The following ERAL1 variants were observed in gnomAD, a reference collection of about 807,000 sequenced individuals.
ERAL1 encodes the protein GTPase Era, mitochondrial.
In ERAL1, 36 loss-of-function variants were observed where a neutral mutation model predicts 53.6. The observed-to-expected ratio is 0.67, with a 90% CI of 0.51 to 0.89. The LOEUF is 0.89. Among genes scored for constraint, ERAL1 ranks in the 40% least tolerant of loss-of-function variants. The pLI, the probability that ERAL1 is intolerant of heterozygous loss-of-function variation, is 0.00. For synonymous variants in ERAL1, 215 were observed against 211.8 expected, an observed-to-expected ratio of 1.02 and a Z score of -0.13; for missense variants, 512 against 537.5, an observed-to-expected ratio of 0.95 and a Z score of 0.47.
At chr17:28,860,360 G>GC (rs1215369360) in intron 9 of ERAL1, 71 bp from the exon 10 acceptor site, 3 of 1,571,584 alleles carry the variant, frequency 1.9e-6, no homozygotes, top group South Asian at 1.1e-5. Context: ...TCTCACCTTA[G>GC]CCCCCCAAGT....
Position 28,858,750 on chromosome 17 carries a change from A to G in ERAL1, c.886A>G (p.Arg296Gly), listed in dbSNP as rs772458858. The change falls in exon 7 of 10, where the codon AGG (arginine) becomes GGG (glycine). Residue 296 changes from arginine to glycine, a missense_variant. Coordinates refer to ENST00000254928, the MANE Select transcript of ERAL1 (RefSeq NM_005702.4). Reference sequence around the variant, plus strand: ...CACACAATCTGTGGGAAATCCTCAGAGGATTGGCTGGCCCCACTTCAAGGA... The same window carrying G: ...CACACAATCTGTGGGAAATCCTCAGGGGATTGGCTGGCCCCACTTCAAGGA... ...PNTQSVGNPQ[R>G]IGWPHFKEIF... 52 of 1,614,118 alleles carry G rather than the reference A, an allele frequency of 3.2e-5. No individual in the cohort carries two copies. The highest frequency in any genetic ancestry group is 4.4e-5 in the Non-Finnish European group (52 of 1,180,054).
At chr17:28,857,820 C>T in intron 3 of ERAL1, 119 bp from the exon 4 acceptor site, 1 of 1,160,070 alleles carries the variant, frequency 8.6e-7, no homozygotes, top group Non-Finnish European at 1.3e-6. Flanking sequence ...AACCTAAAGT[C>T]AATAATAGTT....
At position 28,855,077 on chromosome 17, in the gene ERAL1, G is replaced by A; in HGVS notation, c.43G>A (p.Val15Met). 1 of 1,613,888 alleles carries A rather than the reference G, an allele frequency of 6.2e-7. No homozygotes were observed. Among genetic ancestry groups the A allele is most frequent in the Non-Finnish European group, 8.5e-7 (1 of 1,179,862 alleles). ...SWRGARLVQS[V>M]LRVWQVGPHV... ...GCGCGGGGCTAGGCTTGTTCAATCGGTGTTAAGAGTCTGGCAGGTGGGCCC... is the reference window on the plus strand; with the variant it reads ...GCGCGGGGCTAGGCTTGTTCAATCGATGTTAAGAGTCTGGCAGGTGGGCCC... The change falls in exon 1 of 10, where the codon GTG becomes ATG. Residue 15 changes from valine (V) to methionine (M), a missense_variant. By Grantham distance (21) the Val-to-Met change is conservative. Coordinates refer to ENST00000254928, the MANE Select transcript of ERAL1 (RefSeq NM_005702.4).
Position 28,855,281 on chromosome 17 carries a change from G to A in ERAL1, c.247G>A (p.Val83Met). 2 of 1,608,722 alleles carry A rather than the reference G, an allele frequency of 1.2e-6. No homozygotes were observed. Among genetic ancestry groups the A allele is most frequent in the Non-Finnish European group, 1.7e-6 (2 of 1,176,666 alleles). The change falls in exon 1 of 10, where the codon GTG becomes ATG. Residue 83 changes from valine (V) to methionine (M), a missense_variant. Coordinates refer to ENST00000254928, the MANE Select transcript of ERAL1 (RefSeq NM_005702.4). Reference sequence around the variant, plus strand: ...CGGATTCTCTCAGCCCGACAGTTCGGTGACTCCTTGCGTCCCCGCGGTGTC... The same window carrying A: ...CGGATTCTCTCAGCCCGACAGTTCGATGACTCCTTGCGTCCCCGCGGTGTC... Reference protein sequence around the residue: ...FLGFSQPDSSVTPCVPAVSMN... With the variant: ...FLGFSQPDSSMTPCVPAVSMN...
Position 28,855,279 on chromosome 17 carries a change from C to G in ERAL1, c.245C>G (p.Ser82Trp), listed in dbSNP as rs1170163356. ...CTCGGATTCTCTCAGCCCGACAGTT[C>G]GGTGACTCCTTGCGTCCCCGCGGTG... ...HFLGFSQPDS[S>W]VTPCVPAVSM... Residue 82 changes from serine to tryptophan, a missense_variant, in exon 1 of 10, where the codon TCG (serine) becomes TGG (tryptophan). Transcript: ENST00000254928. 6.2e-6 allele frequency: 10 copies of G among 1,608,690 alleles called. No individual in the cohort carries two copies. In the East Asian group the frequency reaches 2.0e-4, roughly 32 times the overall value.
At chr17:28,856,713 TC>T in intron 3 of ERAL1, 131 bp downstream of exon 3, 7 of 813,194 alleles carry the variant, frequency 8.6e-6, no homozygotes, top group East Asian at 2.7e-5. Flanking sequence ...CTTTTCTTTT[TC>T]TTTTTTTTTT....
intron 1 of ERAL1, 53 bp downstream of exon 1, chr17:28,855,370 G>C: frequency 6.7e-7 from 1 of 1,503,180 alleles, no homozygotes; most frequent in African/African-American, 1.4e-5. Flanking sequence ...AGTATTGAAA[G>C]GTTTCTGGGG....
chr17:28,856,714 C>CT (rs372784089), intron 3 of ERAL1, 132 bp downstream of exon 3: 50,355 of 589,112 alleles, frequency 0.085, no homozygotes, highest in Middle Eastern at 0.1. Context: ...TTTTCTTTTT[C>CT]TTTTTTTTTT....
rs1472217146 is a variant in ERAL1, at chr17:28,860,868, T to C, written c.*315T>C. On this transcript the variant is annotated 3_prime_UTR_variant, in exon 10 of 10. Transcript: ENST00000254928. Reference sequence around the variant, plus strand: ...CTCCAGCTAGCTATGGGCCCAGAGTTTCTCCCTGAGTCGCTGTTGCTAGCA... The same window carrying C: ...CTCCAGCTAGCTATGGGCCCAGAGTCTCTCCCTGAGTCGCTGTTGCTAGCA... 2.5e-5 allele frequency: 5 copies of C among 200,584 alleles called. No individual in the cohort carries two copies. Among genetic ancestry groups the C allele is most frequent in the Middle Eastern group, 1.8e-3 (1 of 566 alleles). The allele number at this position is 200,584 out of a possible 1,614,324, so 12.4% of individuals were successfully genotyped here.
At chr17:28,858,076 A>G in intron 4 of ERAL1, 70 bp from the exon 5 acceptor site, 3 of 1,612,290 alleles carry the variant, frequency 1.9e-6, no homozygotes, top group East Asian at 2.2e-5. Flanking sequence ...CCCCTTTACC[A>G]TACCACATCC....
intron 9 of ERAL1, among the ~76,000 whole-genome samples, chr17:28,859,763 C>T (rs1035273444): frequency 4.6e-5 from 7 of 151,922 alleles, no homozygotes; most frequent in East Asian, 3.9e-4. Context: ...TGGCTTCGAA[C>T]GCTTGACCTC....
At chr17:28,855,794 G>GA (rs34299509) in intron 1 of ERAL1, among the ~76,000 whole-genome samples, 101,048 of 140,936 alleles carry the variant, frequency 0.72, 36,092 homozygotes, top group Non-Finnish European at 0.77. Context: ...CCTCCTTCAG[G>GA]AAAAAAAAAA....
At chr17:28,855,424 C>CT in intron 1 of ERAL1, 107 bp downstream of exon 1, 1 of 1,292,454 alleles carries the variant, frequency 7.7e-7, no homozygotes, top group Non-Finnish European at 1.0e-6. Flanking sequence ...TTTTGAGGCC[C>CT]TGACAGGGAG....
In ERAL1 at chr17:28,858,365, A is replaced by G. The variant is rs759722323; in HGVS notation, c.599-9A>G. 2.5e-6 allele frequency: 4 copies of G among 1,613,768 alleles called. No individual in the cohort carries two copies. In the Admixed American group the frequency reaches 6.7e-5, roughly 27 times the overall value. Reference sequence around the variant, plus strand: ...TCCTTTTCCTTCTTCCTGCCTTGCCATCTTCTAGTTGTGGTTCTTGTGGAT... The same window carrying G: ...TCCTTTTCCTTCTTCCTGCCTTGCCGTCTTCTAGTTGTGGTTCTTGTGGAT... On this transcript the variant is annotated splice_polypyrimidine_tract_variant and intron_variant, in intron 5 of 9. Transcript: ENST00000254928.
At position 28,858,688 on chromosome 17, in the gene ERAL1, G is replaced by A. The variant is rs745723656; in HGVS notation, c.824G>A (p.Gly275Asp). ...KMRQAFHSHP[G>D]THCPSPAVKD... The stretch of plus-strand genomic sequence containing the variant: ...AGGCAGGCCTTCCACTCACACCCTG[G>A]CACCCATTGCCCCAGCCCAGCAGTT... The change falls in exon 7 of 10, where the codon GGC becomes GAC. Residue 275 changes from glycine (G) to aspartate (D), a missense_variant. Gly to Asp is a moderately conservative substitution (Grantham distance 94). Coordinates refer to ENST00000254928, the MANE Select transcript of ERAL1 (RefSeq NM_005702.4). 1 of 1,614,040 alleles carries A rather than the reference G, an allele frequency of 6.2e-7. No individual in the cohort carries two copies. The highest frequency in any genetic ancestry group is 1.3e-5 in the African/African-American group (1 of 74,918).
In ERAL1 at chr17:28,859,113, G is replaced by A. The variant is rs770012398; in HGVS notation, c.1110G>A (p.Gln370=). 2 of 1,614,070 alleles carry A rather than the reference G, an allele frequency of 1.2e-6. No individual in the cohort carries two copies. The highest frequency in any genetic ancestry group is 1.7e-6 in the Non-Finnish European group (2 of 1,180,030). ...LPQEVPYNVQ[Q]KTAVWEEGPG... is the part of the protein sequence containing the mutation. ...AGGAGGTGCCTTACAATGTACAGCA[G>A]GTACAGAGTGAAGGGTTCTGGGGGC... The change falls in exon 8 of 10, where the codon CAG becomes CAA. Residue 370 remains glutamine (Q), a splice_region_variant and synonymous_variant. Transcript: ENST00000254928.
At chr17:28,856,857 G>A (rs1427239424) in intron 3 of ERAL1, among the ~76,000 whole-genome samples, 20 of 147,384 alleles carry the variant, frequency 1.4e-4, no homozygotes, top group Admixed American at 2.7e-4. Context: ...GACTACAGGC[G>A]CCTGCCACCA....
At position 28,855,120 on chromosome 17, in the gene ERAL1, G is replaced by C; in HGVS notation, c.86G>C (p.Arg29Pro). ...WQVGPHVARE[R>P]VIPFSSLLGF... ...GTGGGCCCTCATGTCGCGAGGGAGC[G>C]GGTGATCCCTTTTTCCTCACTCTTA... is the stretch of plus-strand genomic sequence containing the variant. Residue 29 changes from arginine (R) to proline (P), a missense_variant, in exon 1 of 10, where the codon CGG (arginine) becomes CCG (proline). Physicochemically the swap from Arg to Pro is moderately radical, Grantham distance 103 (BLOSUM62 -2). Coordinates refer to ENST00000254928, the MANE Select transcript of ERAL1 (RefSeq NM_005702.4). 6.2e-7 allele frequency: 1 copy of C among 1,614,238 alleles called. No homozygotes were observed. Among genetic ancestry groups the C allele is most frequent in the South Asian group, 1.1e-5 (1 of 91,090 alleles).
At position 28,858,729 on chromosome 17, in the gene ERAL1, C is replaced by A. The variant is rs1208488296; in HGVS notation, c.865C>A (p.Gln289Lys). 3 of 1,614,094 alleles carry A rather than the reference C, an allele frequency of 1.9e-6. No individual in the cohort carries two copies. Among genetic ancestry groups the A allele is most frequent in the African/African-American group, 2.7e-5 (2 of 74,936 alleles). ...PSPAVKDPNT[Q>K]SVGNPQRIGW... The stretch of plus-strand genomic sequence containing the variant: ...CCCAGCAGTTAAGGACCCAAACACA[C>A]AATCTGTGGGAAATCCTCAGAGGAT... Residue 289 changes from glutamine (Q) to lysine (K), a missense_variant, in exon 7 of 10, where the codon CAA (glutamine) becomes AAA (lysine). Coordinates refer to ENST00000254928, the MANE Select transcript of ERAL1 (RefSeq NM_005702.4).
Sources: allele counts gnomAD v4.1 joint callset (sites outside exome capture counted in the v4.1 genomes callset), GRCh38; gene constraint gnomAD v4.1.1; transcripts MANE v1.5; gene names NCBI Gene and HGNC (gene_info 2026-07-23, HGNC 2026-07-21).